Variants in CNTNAP1 observed in about 807,000 individuals in gnomAD.
The protein encoded by CNTNAP1 is contactin-associated protein 1.
Under a neutral mutation model 161.5 loss-of-function variants are expected in CNTNAP1, and 80 were observed. The ratio of observed to expected loss-of-function variants is 0.50; its 90% CI spans 0.41 to 0.60. The LOEUF (loss-of-function observed/expected upper bound fraction) is 0.60. Among genes scored for constraint, CNTNAP1 ranks in the 20% least tolerant of loss-of-function variants. CNTNAP1 has a pLI of 0.00. For synonymous variants in CNTNAP1, 695 were observed against 733.1 expected, an observed-to-expected ratio of 0.95 and a Z score of 0.84; for missense variants, 1,464 against 1,854.8, an observed-to-expected ratio of 0.79 and a Z score of 3.87.
At chr17:42,684,344 G>A in intron 3 of CNTNAP1, 115 bp downstream of exon 3, 1 of 957,770 alleles carries the variant, frequency 1.0e-6, no homozygotes. Flanking sequence ...CGGACAAGGA[G>A]CAGTGACTCC....
At chr17:42,692,121 C>G in intron 16 of CNTNAP1, 130 bp downstream of exon 16, 1 of 983,920 alleles carries the variant, frequency 1.0e-6, no homozygotes, top group Non-Finnish European at 1.5e-6. Flanking sequence ...TTGAGATACC[C>G]TATGTTCTAG....
At chr17:42,696,946 G>A (rs551970041) in intron 20 of CNTNAP1, among the ~76,000 whole-genome samples, 22 of 152,158 alleles carry the variant, frequency 1.4e-4, no homozygotes, top group African/African-American at 4.8e-4. Flanking sequence ...GGCTGAAGTG[G>A]GAGGACTGCT....
At chr17:42,689,736 C>A in intron 11 of CNTNAP1, 109 bp downstream of exon 11, 1 of 915,212 alleles carries the variant, frequency 1.1e-6, no homozygotes, top group Non-Finnish European at 1.7e-6. Context: ...CCAGCCCTCT[C>A]GCTTTTTGTT....
In CNTNAP1 at chr17:42,685,019, C is replaced by T. The variant is rs780266386; in HGVS notation, c.392C>T (p.Ala131Val). 4 of 1,601,600 alleles carry T rather than the reference C, an allele frequency of 2.5e-6. No individual in the cohort carries two copies. Among genetic ancestry groups the T allele is most frequent in the African/African-American group, 1.3e-5 (1 of 74,220 alleles). ...STFFGNVNESAVVRHDLHFHF... is the reference protein window; with the variant it reads ...STFFGNVNESVVVRHDLHFHF... ...TTCTTTGGTAACGTGAACGAGTCGGCGGTGGTGCGCCATGACCTGCACTTC... is the reference window on the plus strand; with the variant it reads ...TTCTTTGGTAACGTGAACGAGTCGGTGGTGGTGCGCCATGACCTGCACTTC... Residue 131 changes from alanine to valine, a missense_variant, in exon 4 of 24, where the codon GCG becomes GTG. Ala to Val is a moderately conservative substitution (Grantham distance 64). Transcript: ENST00000264638. The surrounding 1 kb of genome is among the most constrained non-coding windows in gnomAD (Gnocchi z 5.0).
chr17:42,687,914 G>C lies in CNTNAP1; in HGVS notation c.1239G>C (p.Thr413=), dbSNP rs2053038233. 1.9e-6 allele frequency: 3 copies of C among 1,614,102 alleles called. No individual in the cohort carries two copies. Among genetic ancestry groups the C allele is most frequent in the Non-Finnish European group, 2.5e-6 (3 of 1,180,056 alleles). ...ACGGGCTGGGCCACGTGGAGCTGACGCTCAGCGAAGGGCAGGTCAACGTGT... is the reference window on the plus strand; with the variant it reads ...ACGGGCTGGGCCACGTGGAGCTGACCCTCAGCGAAGGGCAGGTCAACGTGT... ...LGDGLGHVEL[T]LSEGQVNVSI... is the part of the protein sequence containing the mutation. The change falls in exon 8 of 24, where the codon ACG becomes ACC. Residue 413 remains threonine (T), a synonymous_variant. Transcript: ENST00000264638. This position sits in a 1 kb window ranked among gnomAD's most constrained non-coding sequence, Gnocchi z 4.7.
chr17:42,692,770 C>G, intron 17 of CNTNAP1, 50 bp downstream of exon 17: 1 of 1,516,602 alleles, frequency 6.6e-7, no homozygotes, highest in Non-Finnish European at 8.9e-7. Flanking sequence ...CCTCCCCATC[C>G]TCCAAGGCCA....
chr17:42,688,925 A>G lies in CNTNAP1; in HGVS notation c.1506A>G (p.Ala502=), dbSNP rs2053051910. The G allele has an allele frequency of 6.2e-7, 1 of 1,613,990 alleles. No homozygotes were observed. The stretch of plus-strand genomic sequence containing the variant: ...GGGACTGCCACTCCAACCAGACGGC[A>G]TTCCATGGCTGCATGGAGCTGCTCA... ...SRWDCHSNQT[A]FHGCMELLKV... is the part of the protein sequence containing the mutation. The change falls in exon 10 of 24, where the codon GCA becomes GCG. Residue 502 remains alanine (A), a synonymous_variant. Transcript: ENST00000264638.
Position 42,697,698 on chromosome 17 carries a change from C to A in CNTNAP1, c.3713C>A (p.Ala1238Asp), listed in dbSNP as rs1462298549. The A allele has an allele frequency of 6.2e-7, 1 of 1,614,166 alleles. No individual in the cohort carries two copies. The highest frequency in any genetic ancestry group is 1.7e-5 in the Admixed American group (1 of 60,022). The change falls in exon 22 of 24, where the codon GCC becomes GAC. Residue 1238 changes from alanine to aspartate, a missense_variant. Transcript: ENST00000264638. The stretch of plus-strand genomic sequence containing the variant: ...CCCATGACTGCTGAGCTAGCTGAGG[C>A]CCTTCGAGTTCAGGGAGAACTGTCC... Reference protein sequence around the residue: ...PRPMTAELAEALRVQGELSES... With the variant: ...PRPMTAELAEDLRVQGELSES...
intron 6 of CNTNAP1, among the ~76,000 whole-genome samples, chr17:42,686,635 T>C (rs1029772776): frequency 2.0e-5 from 3 of 152,192 alleles, no homozygotes; most frequent in South Asian, 2.1e-4. Flanking sequence ...TGTGGAGTTG[T>C]TAAAGACCCT....
chr17:42,697,563 T>C lies in CNTNAP1; in HGVS notation c.3578T>C (p.Val1193Ala). ...CCTGCCTCTCTCTCAGAGACAGGAGTCATTGACCCGGAGATCCAGCGCTAC... is the reference window on the plus strand; with the variant it reads ...CCTGCCTCTCTCTCAGAGACAGGAGCCATTGACCCGGAGATCCAGCGCTAC... ...LYLGRVMETG[V>A]IDPEIQRYNT... Residue 1193 changes from valine to alanine, a missense_variant, in exon 22 of 24, where the codon GTC becomes GCC. Around this residue, in one of 3 missense-constraint regions of CNTNAP1, gnomAD observed 1,383 missense variants for 1,765.0 expected, o/e 0.78. Transcript: ENST00000264638. 6.2e-7 allele frequency: 1 copy of C among 1,613,178 alleles called. No individual in the cohort carries two copies. The highest frequency in any genetic ancestry group is 8.5e-7 in the Non-Finnish European group (1 of 1,179,792).
At chr17:42,695,941 T>G in intron 19 of CNTNAP1, 67 bp downstream of exon 19, 3 of 1,596,620 alleles carry the variant, frequency 1.9e-6, no homozygotes, top group Non-Finnish European at 2.6e-6. Flanking sequence ...CTCCTATTGA[T>G]TCACAAATAC....
rs1277751233 is a variant in CNTNAP1 at position 42,687,856 on chromosome 17, TC to T, written c.1182del (p.Thr395ProfsTer18). 3.7e-6 allele frequency: 6 copies of T among 1,614,238 alleles called. No homozygotes were observed. The highest frequency in any genetic ancestry group is 5.1e-6 in the Non-Finnish European group (6 of 1,180,048). On this transcript the variant is annotated frameshift_variant, in exon 8 of 24. Transcript: ENST00000264638. LOFTEE classifies it high-confidence loss of function. This position sits in a 1 kb window ranked among gnomAD's most constrained non-coding sequence, Gnocchi z 4.7. ...AVSFRFRTWD[L>X]TGLLLFSRLG... ...TCATTTCGCTTCCGCACCTGGGACC[TC>T]ACCGGGCTTCTCCTTTTCTCCCGTC...
intron 6 of CNTNAP1, among the ~76,000 whole-genome samples, chr17:42,686,476 T>TTTTTTTTG (rs1567970508): frequency 4.3e-5 from 5 of 116,970 alleles, no homozygotes; most frequent in East Asian, 2.0e-4. Flanking sequence ...CCTGTTTTTT[T>TTTTTTTTG]TTTTTTTTTT....
In CNTNAP1 at chr17:42,685,315, A is replaced by C; in HGVS notation, c.610A>C (p.Lys204Gln). ...GTGGGACGTGTTCGCCTTCAGCTTC[A>C]AGACCGAGGAGAAGGACGGTCTTCT... Reference protein sequence around the residue: ...SLWDVFAFSFKTEEKDGLLLH... With the variant: ...SLWDVFAFSFQTEEKDGLLLH... Residue 204 changes from lysine (K) to glutamine (Q), a missense_variant, in exon 5 of 24, where the codon AAG becomes CAG. Lys to Gln is a moderately conservative substitution (Grantham distance 53). Coordinates refer to ENST00000264638, the MANE Select transcript of CNTNAP1 (RefSeq NM_003632.3). The surrounding 1 kb of genome is among the most constrained non-coding windows in gnomAD (Gnocchi z 5.0). 6.2e-7 allele frequency: 1 copy of C among 1,612,876 alleles called. No individual in the cohort carries two copies. The highest frequency in any genetic ancestry group is 1.1e-5 in the South Asian group (1 of 91,084).
intron 18 of CNTNAP1, 134 bp from the exon 19 acceptor site, chr17:42,695,387 C>A: frequency 1.4e-6 from 1 of 728,772 alleles, no homozygotes; most frequent in East Asian, 2.5e-5. Context: ...TCAAGGGGAC[C>A]TAAAAGTAAA....
intron 16 of CNTNAP1, among the ~76,000 whole-genome samples, chr17:42,692,250 G>T (rs2053096919): frequency 1.3e-5 from 2 of 152,200 alleles, no homozygotes; most frequent in Non-Finnish European, 2.9e-5. Context: ...TCTCACCGCT[G>T]ATTAGCCATG....
intron 18 of CNTNAP1, among the ~76,000 whole-genome samples, chr17:42,694,587 G>A (rs182623828): frequency 5.3e-5 from 8 of 150,532 alleles, no homozygotes; most frequent in African/African-American, 1.7e-4. Context: ...CTATGATCGT[G>A]CCACTGCACT....
chr17:42,689,030 A>G lies in CNTNAP1; in HGVS notation c.1611A>G (p.Thr537=). Reference sequence around the variant, plus strand: ...TCTATGCTGAGGTCCTCTTTGATACATGTGGCATCACTGATAGGTACCCAG... The same window carrying G: ...TCTATGCTGAGGTCCTCTTTGATACGTGTGGCATCACTGATAGGTACCCAG... The part of the protein sequence containing the change: ...LGFYAEVLFD[T]CGITDRCSPN... The change falls in exon 10 of 24, where the codon ACA becomes ACG. Residue 537 remains threonine (T), a synonymous_variant. Transcript: ENST00000264638. The G allele has an allele frequency of 6.3e-7, 1 of 1,589,888 alleles. No individual in the cohort carries two copies. The highest frequency in any genetic ancestry group is 8.6e-7 in the Non-Finnish European group (1 of 1,166,486).
intron 17 of CNTNAP1, 124 bp downstream of exon 17, chr17:42,692,844 G>C: frequency 1.2e-6 from 1 of 802,164 alleles, no homozygotes; most frequent in South Asian, 1.9e-5. Context: ...GAGCAAGCCA[G>C]TGTCTCACTT....
Sources: allele counts gnomAD v4.1 joint callset (sites outside exome capture counted in the v4.1 genomes callset), GRCh38; gene constraint gnomAD v4.1.1; regional missense constraint gnomAD v4.1.1; non-coding constraint Gnocchi (gnomAD v3.1); transcripts MANE v1.5; gene names NCBI Gene and HGNC (gene_info 2026-07-23, HGNC 2026-07-21).